AKAP13: variants seen among roughly 807,000 people sequenced by gnomAD.
The protein encoded by AKAP13 is A-kinase anchor protein 13.
A neutral mutation model predicts 264.5 loss-of-function variants in AKAP13; 80 were observed. That is an observed-to-expected ratio of 0.30 (90% CI 0.25 to 0.36). The LOEUF is 0.36. Ranked by LOEUF, AKAP13 falls within the 10% of genes least tolerant of loss-of-function variation. AKAP13 has a pLI of 1.00. For synonymous variants in AKAP13, 1,380 were observed against 1,250.2 expected (o/e 1.10, Z -2.19); for missense variants, 3,712 against 3,435.2 (o/e 1.08, Z -2.01).
chr15:85,572,917 G>A (rs1319570737), intron 5 of AKAP13, among the ~76,000 whole-genome samples: 1 of 152,200 alleles, frequency 6.6e-6, no homozygotes, highest in Non-Finnish European at 1.5e-5. Context: ...AAAACATGTG[G>A]TGTTTGGTTT....
At chr15:85,451,315 C>G (rs905947692) in intron 1 of AKAP13, among the ~76,000 whole-genome samples, 6 of 152,202 alleles carry the variant, frequency 3.9e-5, no homozygotes, top group African/African-American at 9.6e-5. Flanking sequence ...TTGGGTCTTG[C>G]TTTTTTATCC....
At chr15:85,627,963 C>T (rs2081507236) in intron 8 of AKAP13, among the ~76,000 whole-genome samples, 1 of 152,214 alleles carries the variant, frequency 6.6e-6, no homozygotes, top group East Asian at 1.9e-4. Flanking sequence ...CATATACCAA[C>T]GCTTTTGTTG....
intron 29 of AKAP13, among the ~76,000 whole-genome samples, chr15:85,728,076 G>A (rs1191938553): frequency 1.3e-5 from 2 of 152,198 alleles, no homozygotes; most frequent in Non-Finnish European, 2.9e-5. Flanking sequence ...CAGGGTTAAC[G>A]TGTGTAGTTA....
In AKAP13 at chr15:85,726,863, T is replaced by G. The variant is rs2067593; in HGVS notation, c.6823-203T>G. 8 of 613,836 alleles carry G rather than the reference T, an allele frequency of 1.3e-5. No individual in the cohort carries two copies. The South Asian group carries it at 1.8e-4, about 14-fold the overall frequency. The allele number at this position is 613,836 out of a possible 1,614,324, so 38.0% of individuals were successfully genotyped here. On this transcript the variant is annotated intron_variant, in intron 27 of 36. Transcript: ENST00000394518. ...AACATGACTGGAACCTTTAGAGCCA[T>G]AAATTACTATTTCCCTTTTGAAATC... is the stretch of plus-strand genomic sequence containing the variant.
chr15:85,399,502 CAAAAAAA>C lies in AKAP13; in HGVS notation c.-12+18718_-12+18724del, dbSNP rs71138392. 3.9e-5 allele frequency among the ~76,000 whole-genome samples: 3 copies of C among 77,082 alleles called. No individual in the cohort carries two copies. In the Admixed American group the frequency reaches 4.5e-4, roughly 12 times the overall value. The allele number at this position is 77,082 out of a possible 152,430, so 50.6% of individuals were successfully genotyped here. ...TGGGCGACAGAGCGAGACTCCGTCT[CAAAAAAA>C]AAAAAAAAAAAAATAAAAAAATAAA... On this transcript the variant is annotated intron_variant, in intron 1 of 36. Transcript: ENST00000394518.
intron 1 of AKAP13, among the ~76,000 whole-genome samples, chr15:85,398,617 G>T (rs915811701): frequency 6.6e-6 from 1 of 152,088 alleles, no homozygotes; most frequent in African/African-American, 2.4e-5. Context: ...GTGCAGTGGC[G>T]CAATCTCTAC....
intron 3 of AKAP13, among the ~76,000 whole-genome samples, chr15:85,531,215 A>G (rs562772080): frequency 2.0e-5 from 3 of 152,276 alleles, no homozygotes; most frequent in African/African-American, 4.8e-5. Flanking sequence ...TTGCCCACAT[A>G]TGGAATGCAC....
At position 85,745,468 on chromosome 15, in the gene AKAP13, C is replaced by T. The variant is rs2089343133; in HGVS notation, c.*791C>T. The T allele has an allele frequency of 6.6e-6, 1 of 152,136 alleles. No homozygotes were observed. Among genetic ancestry groups the T allele is most frequent in the Non-Finnish European group, 1.5e-5 (1 of 68,020 alleles). The allele number at this position is 152,136 out of a possible 1,614,324, so 9.4% of individuals were successfully genotyped here. Reference sequence around the variant, plus strand: ...TGTCATCAGATCCAGAAGAAATATCCTGGTTTTCCAGCATGTTTACCCACA... The same window carrying T: ...TGTCATCAGATCCAGAAGAAATATCTTGGTTTTCCAGCATGTTTACCCACA... On this transcript the variant is annotated 3_prime_UTR_variant, in exon 37 of 37. Transcript: ENST00000394518.
intron 15 of AKAP13, among the ~76,000 whole-genome samples, chr15:85,682,703 T>C (rs561282582): frequency 2.6e-5 from 4 of 152,174 alleles, no homozygotes; most frequent in Non-Finnish European, 5.9e-5. Flanking sequence ...GTTTCGCTCT[T>C]GTTGCCCAGG....
At chr15:85,548,949 C>T (rs182887586) in intron 5 of AKAP13, among the ~76,000 whole-genome samples, 217 of 144,894 alleles carry the variant, frequency 1.5e-3, no homozygotes, top group Admixed American at 2.7e-3. Flanking sequence ...AGAGGACTGT[C>T]TTCAATGGGT....
chr15:85,534,188 G>C lies in AKAP13; in HGVS notation c.478+308G>C. ...GAAAGTGACATGCTCTTCATGAGGAGAGTAGCAGAGTTACTTTTTGGTGTT... is the reference window on the plus strand; with the variant it reads ...GAAAGTGACATGCTCTTCATGAGGACAGTAGCAGAGTTACTTTTTGGTGTT... On this transcript the variant is annotated intron_variant, in intron 4 of 36. Transcript: ENST00000394518. 1.0e-5 allele frequency: 4 copies of C among 388,812 alleles called. No homozygotes were observed. In the East Asian group the frequency reaches 1.1e-4, roughly 11 times the overall value. The allele number at this position is 388,812 out of a possible 1,614,324, so 24.1% of individuals were successfully genotyped here.
chr15:85,572,014 T>C (rs888823589), intron 5 of AKAP13, among the ~76,000 whole-genome samples: 1 of 152,118 alleles, frequency 6.6e-6, no homozygotes, highest in African/African-American at 2.4e-5. Flanking sequence ...AGGTAGAAGG[T>C]AAGTAGGCTG....
At chr15:85,436,840 C>T (rs1236816503) in intron 1 of AKAP13, among the ~76,000 whole-genome samples, 11 of 151,658 alleles carry the variant, frequency 7.3e-5, no homozygotes, top group Admixed American at 5.9e-4. Flanking sequence ...AAATTTATAG[C>T]ACTAAATGCC....
At chr15:85,610,247 G>A (rs1431007627) in intron 8 of AKAP13, among the ~76,000 whole-genome samples, 1 of 152,138 alleles carries the variant, frequency 6.6e-6, no homozygotes, top group Non-Finnish European at 1.5e-5. Flanking sequence ...AATGAAGTTT[G>A]TTCTTATTTC....
chr15:85,440,054 GA>G (rs1430384499), intron 1 of AKAP13, among the ~76,000 whole-genome samples: 2 of 151,966 alleles, frequency 1.3e-5, no homozygotes. Flanking sequence ...TACTGTAAAG[GA>G]AAAAGAACAC....
At chr15:85,629,404 G>A (rs948997363) in intron 8 of AKAP13, among the ~76,000 whole-genome samples, 1 of 152,092 alleles carries the variant, frequency 6.6e-6, no homozygotes, top group Non-Finnish European at 1.5e-5. Flanking sequence ...GGGAAGCAGG[G>A]CTGTAATCCT....
chr15:85,440,971 C>G (rs1246815940), intron 1 of AKAP13, among the ~76,000 whole-genome samples: 1 of 152,138 alleles, frequency 6.6e-6, no homozygotes, highest in Non-Finnish European at 1.5e-5. Flanking sequence ...GCAAGAGAAA[C>G]TCTAAAAAAA....
chr15:85,408,473 A>G (rs556931055), intron 1 of AKAP13, among the ~76,000 whole-genome samples: 4 of 151,722 alleles, frequency 2.6e-5, no homozygotes, highest in East Asian at 3.9e-4. Context: ...TGAAACAATA[A>G]CTTTCTATTT....
At chr15:85,626,254 G>T (rs972938855) in intron 8 of AKAP13, among the ~76,000 whole-genome samples, 1 of 152,084 alleles carries the variant, frequency 6.6e-6, no homozygotes, top group East Asian at 1.9e-4. Flanking sequence ...TGTGATAAAA[G>T]GTACATACCA....
Sources: allele counts gnomAD v4.1 joint callset (sites outside exome capture counted in the v4.1 genomes callset), GRCh38; gene constraint gnomAD v4.1.1; transcripts MANE v1.5; gene names NCBI Gene and HGNC (gene_info 2026-07-23, HGNC 2026-07-21).